Variants in ATP6V0A4 observed in about 807,000 individuals in gnomAD.
ATP6V0A4 encodes the protein ATPase H+ transporting V0 subunit a4, also known as V-type proton ATPase 116 kDa subunit a 4.
ATP6V0A4 carries 86 observed loss-of-function variants against 107.3 expected under a neutral mutation model. The ratio of observed to expected loss-of-function variants is 0.80; its 90% CI spans 0.67 to 0.96. ATP6V0A4 has a LOEUF of 0.96. ATP6V0A4 is among the 40% of genes least tolerant of loss of function. ATP6V0A4 has a pLI of 0.00. For missense variants in ATP6V0A4, 908 were observed against 1,045.6 expected (o/e 0.87, Z 1.81); for synonymous variants, 353 against 381.4 (o/e 0.93, Z 0.87).
rs1562978767 is a variant in ATP6V0A4 at position 138,716,576 on chromosome 7, G to GT, written c.2140-696_2140-695insA. Among the ~76,000 whole-genome samples the GT allele has an allele frequency of 7.4e-4, 91 of 123,690 alleles. 3 individuals carry two copies. The South Asian group carries it at 0.026, about 35-fold the overall frequency. 81.1% of individuals were successfully genotyped at this position (123,690 alleles called of 152,430 possible). ...CTGATGTGACAGACAATTTTTTTTT[G>GT]GGGGGGGGGGAGGGTCTTGCTCTGT... On this transcript the variant is annotated intron_variant, in intron 19 of 21. Transcript: ENST00000310018.
At chr7:138,776,239 C>T (rs1208374210) in intron 2 of ATP6V0A4, among the ~76,000 whole-genome samples, 1 of 152,180 alleles carries the variant, frequency 6.6e-6, no homozygotes, top group Non-Finnish European at 1.5e-5. Context: ...GAGCTGTAGG[C>T]GGTTTGGGAA....
At chr7:138,749,711 T>C (rs366160) in intron 11 of ATP6V0A4, among the ~76,000 whole-genome samples, 17,485 of 152,102 alleles carry the variant, frequency 0.11, 1,159 homozygotes, top group African/African-American at 0.18. Flanking sequence ...CAAACTCCAA[T>C]GTGTCACCAA....
chr7:138,721,140 C>T lies in ATP6V0A4; in HGVS notation c.2139+757G>A, dbSNP rs555944044. Among the ~76,000 whole-genome samples, 16 of 152,244 alleles carry T rather than the reference C, an allele frequency of 1.1e-4. No homozygotes were observed. In the South Asian group the frequency reaches 1.9e-3, roughly 18 times the overall value. On this transcript the variant is annotated intron_variant, in intron 19 of 21. Coordinates refer to ENST00000310018, the MANE Select transcript of ATP6V0A4 (RefSeq NM_020632.3). ...TGCTTTCATCTGGGAGGATGTGGCA[C>T]GGGCTCCTGAGGGGCAGTGGCTGTC...
At chr7:138,758,178 C>A (rs772365158) in intron 8 of ATP6V0A4, among the ~76,000 whole-genome samples, 1 of 152,050 alleles carries the variant, frequency 6.6e-6, no homozygotes, top group African/African-American at 2.4e-5. Flanking sequence ...GATTTAATGT[C>A]AAATTTAAAA....
intron 6 of ATP6V0A4, 61 bp downstream of exon 6, chr7:138,762,839 A>G: frequency 6.3e-7 from 1 of 1,582,330 alleles, no homozygotes; most frequent in Non-Finnish European, 8.7e-7. Flanking sequence ...GCCAGTTTCC[A>G]AAATGGAAAT....
intron 18 of ATP6V0A4, 81 bp downstream of exon 18, chr7:138,728,680 T>C: frequency 6.3e-7 from 1 of 1,592,530 alleles, no homozygotes; most frequent in Non-Finnish European, 8.6e-7. Flanking sequence ...CCAGGACGAT[T>C]CTCTCTAAAC....
chr7:138,734,006 G>T, intron 16 of ATP6V0A4, 130 bp downstream of exon 16: 1 of 1,035,478 alleles, frequency 9.7e-7, no homozygotes, highest in Non-Finnish European at 1.4e-6. Context: ...AAGCCCAGAT[G>T]CCCAGGGAAG....
rs762539280 is a variant in ATP6V0A4, at chr7:138,739,531, C to T, written c.1572+9G>A. The T allele has an allele frequency of 6.2e-7, 1 of 1,614,024 alleles. No homozygotes were observed. Among genetic ancestry groups the T allele is most frequent in the Non-Finnish European group, 8.5e-7 (1 of 1,179,940 alleles). On this transcript the variant is annotated intron_variant, in intron 15 of 21. Coordinates refer to ENST00000310018, the MANE Select transcript of ATP6V0A4 (RefSeq NM_020632.3). ...ATAAGAAATATTTAACCCAAGAAGA[C>T]ATTATTACCGGATCAATCCCAAACG... is the stretch of plus-strand genomic sequence containing the variant.
chr7:138,763,875 G>A (rs950309385), intron 5 of ATP6V0A4, among the ~76,000 whole-genome samples: 8 of 150,136 alleles, frequency 5.3e-5, no homozygotes, highest in African/African-American at 1.7e-4. Flanking sequence ...CAGGAGATTC[G>A]CTTGAATCCG....
At position 138,723,064 on chromosome 7, in the gene ATP6V0A4, A is replaced by AG. The variant is rs1054276957; in HGVS notation, c.2011-1040_2011-1039insC. Among the ~76,000 whole-genome samples the AG allele has an allele frequency of 1.3e-4, 19 of 151,678 alleles. No homozygotes were observed. In the South Asian group the frequency reaches 2.7e-3, roughly 22 times the overall value. On this transcript the variant is annotated intron_variant, in intron 18 of 21. Transcript: ENST00000310018. ...CAGAGTGAGACTGTCTCAAAAAAAA[A>AG]AAAAAAAAGAAAAATATGTGCCCAA...
rs775830995 is a variant in ATP6V0A4 at position 138,709,774 on chromosome 7, G to A, written c.2279C>T (p.Thr760Ile). The A allele has an allele frequency of 1.2e-6, 2 of 1,613,976 alleles. No homozygotes were observed. The highest frequency in any genetic ancestry group is 1.7e-6 in the Non-Finnish European group (2 of 1,179,902). ...AHAQLSEVLW[T>I]MVMNSGLQTR... is the part of the protein sequence containing the mutation. ...CTGAAGGCCGCTGTTCATCACCATA[G>A]TCCAGAGCACTTCAGACAGTTCTGC... is the stretch of plus-strand genomic sequence containing the variant. The change falls in exon 21 of 22, where the codon ACT becomes ATT. Residue 760 changes from threonine (T) to isoleucine (I), a missense_variant. Transcript: ENST00000310018.
In ATP6V0A4 at chr7:138,715,852, T is replaced by C. The variant is rs1206439271; in HGVS notation, c.2169A>G (p.Gln723=). 4.3e-6 allele frequency: 7 copies of C among 1,613,710 alleles called. No individual in the cohort carries two copies. In the South Asian group the frequency reaches 5.5e-5, roughly 13 times the overall value. The stretch of plus-strand genomic sequence containing the variant: ...GGCAGTACTCGATGGTGTGGATGGC[T>C]TGGTGGACAAAGACGTCTCCAAAGT... ...EFNFGDVFVH[Q]AIHTIEYCLG... is the part of the protein sequence containing the mutation. Residue 723 remains glutamine, a synonymous_variant, in exon 20 of 22, where the codon CAA becomes CAG. Coordinates refer to ENST00000310018, the MANE Select transcript of ATP6V0A4 (RefSeq NM_020632.3).
rs372770502 is a variant in ATP6V0A4, at chr7:138,760,229, A to G, written c.513-351T>C. On this transcript the variant is annotated intron_variant, in intron 7 of 21. Transcript: ENST00000310018. ...GAGGCTGAGGCGGGCGGATCACCTG[A>G]GGTCAGGAGTTCGAGACCAGCCTGG... Among the ~76,000 whole-genome samples, 17 of 152,218 alleles carry G rather than the reference A, an allele frequency of 1.1e-4. No homozygotes were observed. The East Asian group carries it at 2.1e-3, about 19-fold the overall frequency.
intron 8 of ATP6V0A4, among the ~76,000 whole-genome samples, chr7:138,756,769 C>T (rs934686702): frequency 2.0e-5 from 3 of 152,118 alleles, no homozygotes; most frequent in African/African-American, 4.8e-5. Flanking sequence ...TCCCTGTTCC[C>T]GATGCTGGTT....
At chr7:138,749,356 A>G in intron 11 of ATP6V0A4, 39 bp from the exon 12 acceptor site, 1 of 1,604,264 alleles carries the variant, frequency 6.2e-7, no homozygotes, top group Non-Finnish European at 8.5e-7. Flanking sequence ...TGTAAGGAGA[A>G]GAGTCTTGGG....
chr7:138,781,997 G>A (rs1351540010), intron 2 of ATP6V0A4, among the ~76,000 whole-genome samples: 1 of 152,056 alleles, frequency 6.6e-6, no homozygotes, highest in Non-Finnish European at 1.5e-5. Context: ...TCTTAACAGT[G>A]TAAAGAGGAC....
chr7:138,716,052 G>A lies in ATP6V0A4; in HGVS notation c.2140-171C>T, dbSNP rs547472807. 5.0e-4 allele frequency: 236 copies of A among 468,566 alleles called. 1 individual carries two copies. Among genetic ancestry groups the A allele is most frequent in the African/African-American group, 4.2e-3 (199 of 47,304 alleles). 29.0% of individuals were successfully genotyped at this position (468,566 alleles called of 1,614,324 possible). A position where few individuals can be genotyped will look rare whatever the true frequency, so the allele number is the denominator to read the frequency against. On this transcript the variant is annotated intron_variant, in intron 19 of 21. Transcript: ENST00000310018. ...GAGAAAGAATTATCAGCACAAAGTC[G>A]TATGTTATGTGTGTCTTAACGTTCC...
chr7:138,751,552 A>G (rs1206701642), intron 11 of ATP6V0A4, among the ~76,000 whole-genome samples: 8 of 150,398 alleles, frequency 5.3e-5, no homozygotes, highest in Admixed American at 5.3e-4. Flanking sequence ...ACCACTCATC[A>G]CTGCCTGAAA....
In ATP6V0A4 at chr7:138,737,115, A is replaced by ATATATATATATATATATAT. The variant is rs540225443; in HGVS notation, c.1572+2424_1572+2425insATATATATATATATATATA. On this transcript the variant is annotated intron_variant, in intron 15 of 21. Coordinates refer to ENST00000310018, the MANE Select transcript of ATP6V0A4 (RefSeq NM_020632.3). ...GTTATGTAAAAAGTAAGCCCTTATT[A>ATATATATATATATATATAT]ATATATATATATGATACAAACTAAC... Among the ~76,000 whole-genome samples, 257 of 86,614 alleles carry ATATATATATATATATATAT rather than the reference A, an allele frequency of 3.0e-3. 46 individuals are homozygous for ATATATATATATATATATAT. The East Asian group carries it at 0.041, about 14-fold the overall frequency. The allele number at this position is 86,614 out of a possible 152,430, so 56.8% of individuals were successfully genotyped here.
Sources: gnomAD v4.1 joint callset for allele counts (sites outside exome capture counted in the v4.1 genomes callset) on GRCh38, gnomAD v4.1.1 for gene constraint, MANE v1.5 for transcripts, NCBI Gene and HGNC (gene_info 2026-07-23, HGNC 2026-07-21) for gene names.